The following MACROD2 variants were observed in gnomAD, a reference collection of about 807,000 sequenced individuals.
MACROD2 encodes mono-ADP ribosylhydrolase 2.
In MACROD2, 36 loss-of-function variants were observed where a neutral mutation model predicts 70.4. The ratio of observed to expected loss-of-function variants is 0.51; its 90% CI spans 0.39 to 0.68. MACROD2 has a LOEUF of 0.68. Among genes scored for constraint, MACROD2 ranks in the 30% least tolerant of loss-of-function variants. The probability of loss-of-function intolerance (pLI) is 0.00; values close to 1 mark genes in which losing one functional copy is unlikely to be tolerated. For synonymous variants in MACROD2, 172 were observed against 178.8 expected (o/e 0.96, Z 0.30); for missense variants, 496 against 538.4 (o/e 0.92, Z 0.78).
At chr20:14,612,033 G>A (rs1450442518) in intron 4 of MACROD2, among the ~76,000 whole-genome samples, 2 of 152,036 alleles carry the variant, frequency 1.3e-5, no homozygotes, top group African/African-American at 4.8e-5. Flanking sequence ...ATTCTTGCTT[G>A]CCTAGATTTT....
intron 2 of MACROD2, among the ~76,000 whole-genome samples, chr20:14,058,207 T>C (rs775240687): frequency 3.3e-5 from 5 of 152,142 alleles, no homozygotes; most frequent in Non-Finnish European, 7.3e-5. Context: ...TGCATATATG[T>C]ATGCTTCAAT....
At chr20:14,390,826 A>G (rs961741495) in intron 3 of MACROD2, among the ~76,000 whole-genome samples, 1 of 152,194 alleles carries the variant, frequency 6.6e-6, no homozygotes, top group Admixed American at 6.5e-5. Flanking sequence ...AGGAATAGAC[A>G]CTTTTCAAAA....
chr20:14,368,405 C>T (rs142242424), intron 3 of MACROD2, among the ~76,000 whole-genome samples: 2,109 of 151,992 alleles, frequency 0.014, 47 homozygotes, highest in African/African-American at 0.048. Context: ...TAGCTGAGTG[C>T]GGTGGCGGGT....
At chr20:14,098,897 G>A (rs932831675) in intron 3 of MACROD2, among the ~76,000 whole-genome samples, 1 of 152,078 alleles carries the variant, frequency 6.6e-6, no homozygotes, top group Non-Finnish European at 1.5e-5. Context: ...TTTCTGTTGA[G>A]CAGTAATAGA....
At chr20:15,499,993 A>G (rs888225660) in intron 8 of MACROD2, 146 bp downstream of exon 8, 8 of 678,344 alleles carry the variant, frequency 1.2e-5, no homozygotes, top group African/African-American at 1.1e-4. Context: ...CTTGGGTTAC[A>G]TGAGTAATTA....
intron 8 of MACROD2, among the ~76,000 whole-genome samples, chr20:15,849,896 C>T (rs967912368): frequency 5.3e-5 from 8 of 152,026 alleles, no homozygotes; most frequent in Non-Finnish European, 7.4e-5. Flanking sequence ...GACTAGATGG[C>T]GAGGAAGAAG....
intron 5 of MACROD2, among the ~76,000 whole-genome samples, chr20:14,947,983 T>C (rs2074446176): frequency 6.6e-6 from 1 of 152,154 alleles, no homozygotes; most frequent in African/African-American, 2.4e-5. Context: ...CTATCTTGTT[T>C]TTCACATCCT....
chr20:15,592,211 G>A (rs1482553313), intron 8 of MACROD2, among the ~76,000 whole-genome samples: 1 of 152,172 alleles, frequency 6.6e-6, no homozygotes, highest in Non-Finnish European at 1.5e-5. Flanking sequence ...AACTAAATGA[G>A]ACAATATGTG....
chr20:15,087,903 A>G (rs954843576), intron 5 of MACROD2, among the ~76,000 whole-genome samples: 2 of 152,052 alleles, frequency 1.3e-5, no homozygotes, highest in African/African-American at 4.8e-5. Flanking sequence ...GTCAATAAAC[A>G]TATAAAGATA....
chr20:15,652,525 A>C (rs538608617), intron 8 of MACROD2, among the ~76,000 whole-genome samples: 1 of 152,332 alleles, frequency 6.6e-6, no homozygotes, highest in East Asian at 1.9e-4. Flanking sequence ...TGTGTGGATG[A>C]CTAGGTTCAC....
chr20:15,776,639 A>C (rs1260866245), intron 8 of MACROD2, among the ~76,000 whole-genome samples: 2 of 152,214 alleles, frequency 1.3e-5, no homozygotes, highest in African/African-American at 4.8e-5. Flanking sequence ...CTTAGTACAC[A>C]CACCTGCAAG....
intron 7 of MACROD2, among the ~76,000 whole-genome samples, chr20:15,470,570 T>C (rs919439212): frequency 6.6e-6 from 1 of 152,124 alleles, no homozygotes; most frequent in Non-Finnish European, 1.5e-5. Context: ...TCCGGGCCAC[T>C]TTCTTGTCCT....
intron 10 of MACROD2, among the ~76,000 whole-genome samples, chr20:15,915,137 T>C (rs759714533): frequency 2.0e-5 from 3 of 152,154 alleles, no homozygotes; most frequent in Non-Finnish European, 4.4e-5. Flanking sequence ...TTCCGTGACA[T>C]TGGCATGATT....
At chr20:14,625,580 G>A (rs1333169233) in intron 4 of MACROD2, among the ~76,000 whole-genome samples, 8 of 152,154 alleles carry the variant, frequency 5.3e-5, no homozygotes, top group Non-Finnish European at 1.0e-4. Flanking sequence ...CAGAGTCCAT[G>A]AATGGGCCAT....
At chr20:15,695,273 T>C (rs1036190162) in intron 8 of MACROD2, among the ~76,000 whole-genome samples, 4 of 152,208 alleles carry the variant, frequency 2.6e-5, no homozygotes, top group Admixed American at 6.5e-5. Flanking sequence ...GGTATTCTGA[T>C]GGGGATTGCA....
At chr20:14,633,112 G>T (rs1285463042) in intron 4 of MACROD2, among the ~76,000 whole-genome samples, 1 of 152,206 alleles carries the variant, frequency 6.6e-6, no homozygotes, top group East Asian at 1.9e-4. Flanking sequence ...GCCAGTAGTG[G>T]CCACTCGCCT....
chr20:15,249,527 T>C (rs2077135943), intron 6 of MACROD2, among the ~76,000 whole-genome samples: 1 of 152,234 alleles, frequency 6.6e-6, no homozygotes, highest in Non-Finnish European at 1.5e-5. Context: ...CCTGATTACC[T>C]TAGCATGTGC....
At chr20:14,632,623 C>A (rs1379019979) in intron 4 of MACROD2, among the ~76,000 whole-genome samples, 1 of 151,942 alleles carries the variant, frequency 6.6e-6, no homozygotes, top group Non-Finnish European at 1.5e-5. Context: ...TGTGACATTC[C>A]TTATTTAGTC....
intron 4 of MACROD2, among the ~76,000 whole-genome samples, chr20:14,606,726 T>G (rs903362471): frequency 2.0e-5 from 3 of 152,178 alleles, no homozygotes; most frequent in African/African-American, 7.2e-5. Context: ...TTTTTGTGTG[T>G]GTGATTTGGC....
Sources: allele counts gnomAD v4.1 joint callset (sites outside exome capture counted in the v4.1 genomes callset), GRCh38; gene constraint gnomAD v4.1.1; transcripts MANE v1.5; gene names NCBI Gene and HGNC (gene_info 2026-07-23, HGNC 2026-07-21).